Variants in CPEB3 observed in about 807,000 individuals in gnomAD.
CPEB3 encodes cytoplasmic polyadenylation element binding protein 3.
In CPEB3, 20 loss-of-function variants were observed where a neutral mutation model predicts 67.2. The ratio of observed to expected loss-of-function variants is 0.30; its 90% CI spans 0.21 to 0.43. CPEB3 has a LOEUF of 0.43. Among genes scored for constraint, CPEB3 ranks in the 20% least tolerant of loss-of-function variants. The probability of loss-of-function intolerance (pLI) is 1.00; values close to 1 mark genes in which losing one functional copy is unlikely to be tolerated. For missense variants in CPEB3, 746 were observed against 968.6 expected, an observed-to-expected ratio of 0.77 and a Z score of 3.05; for synonymous variants, 376 against 393.1, an observed-to-expected ratio of 0.96 and a Z score of 0.51.
At chr10:92,161,676 G>A (rs1007230983) in intron 4 of CPEB3, among the ~76,000 whole-genome samples, 1 of 151,112 alleles carries the variant, frequency 6.6e-6, no homozygotes, top group Non-Finnish European at 1.5e-5. Context: ...TATGTGCCGG[G>A]AACAGTTCAA....
chr10:92,099,856 C>T (rs1316541366), intron 7 of CPEB3, among the ~76,000 whole-genome samples: 1 of 141,534 alleles, frequency 7.1e-6, no homozygotes, highest in Non-Finnish European at 1.5e-5. Context: ...GAAACTCCGT[C>T]TCAAAAAAAA....
chr10:92,247,039 C>CT (rs35414862), intron 1 of CPEB3, among the ~76,000 whole-genome samples: 3 of 152,098 alleles, frequency 2.0e-5, no homozygotes, highest in Non-Finnish European at 4.4e-5. Flanking sequence ...CTAATCTCTG[C>CT]TTTTTTTCCC....
intron 1 of CPEB3, among the ~76,000 whole-genome samples, chr10:92,248,958 T>C (rs896047386): frequency 3.3e-5 from 5 of 152,210 alleles, no homozygotes; most frequent in African/African-American, 1.2e-4. Flanking sequence ...AAGATTATAA[T>C]GAAGCTGAAA....
rs745420772 is a variant in CPEB3 at position 92,048,984 on chromosome 10, C to G, written c.*3228G>C. 1 of 152,292 alleles carries G rather than the reference C, an allele frequency of 6.6e-6. No homozygotes were observed. The highest frequency in any genetic ancestry group is 1.5e-5 in the Non-Finnish European group (1 of 67,978). 9.4% of individuals were successfully genotyped at this position (152,292 alleles called of 1,614,324 possible). A position where few individuals can be genotyped will look rare whatever the true frequency, so the allele number is the denominator to read the frequency against. On this transcript the variant is annotated 3_prime_UTR_variant, in exon 10 of 10. Coordinates refer to ENST00000265997, the MANE Select transcript of CPEB3 (RefSeq NM_014912.5). This position sits in a 1 kb window ranked among gnomAD's most constrained non-coding sequence, Gnocchi z 4.1. ...GAGAAAGCACTCCTTAAAGAAAATA[C>G]GAAATAAAATGAAAAATATGTAAAT...
intron 4 of CPEB3, among the ~76,000 whole-genome samples, chr10:92,149,777 CA>C (rs1437488652): frequency 6.6e-6 from 1 of 152,122 alleles, no homozygotes; most frequent in Non-Finnish European, 1.5e-5. Flanking sequence ...TCTGAGAACC[CA>C]ACCCCCAGAT....
chr10:92,279,781 C>G (rs1432912801), intron 1 of CPEB3, among the ~76,000 whole-genome samples: 1 of 152,096 alleles, frequency 6.6e-6, no homozygotes, highest in East Asian at 1.9e-4. Flanking sequence ...ATGGGTGGAT[C>G]GCTCGATCTC....
At chr10:92,289,838 TAATACAAATA>T (rs1842756404) in intron 1 of CPEB3, among the ~76,000 whole-genome samples, 4 of 134,480 alleles carry the variant, frequency 3.0e-5, no homozygotes, top group African/African-American at 1.1e-4. Context: ...ATATTATATA[TAATACAAATA>T]TATATAAAAT....
At chr10:92,177,684 A>C (rs1271075496) in intron 4 of CPEB3, among the ~76,000 whole-genome samples, 1 of 152,190 alleles carries the variant, frequency 6.6e-6, no homozygotes, top group Non-Finnish European at 1.5e-5. Context: ...AGATTATGTC[A>C]GCAGTGGTGA....
chr10:92,078,655 GAA>G (rs1252061253), intron 9 of CPEB3, among the ~76,000 whole-genome samples: 2 of 152,150 alleles, frequency 1.3e-5, no homozygotes, highest in South Asian at 2.1e-4. Context: ...ATAGCAAGCA[GAA>G]AAGTCAATGG....
intron 6 of CPEB3, among the ~76,000 whole-genome samples, chr10:92,111,776 T>C (rs1199112261): frequency 2.0e-5 from 3 of 152,208 alleles, no homozygotes; most frequent in Admixed American, 1.3e-4. Context: ...TGAAAACCAC[T>C]GACATGCACA....
At chr10:92,241,250 G>C (rs969368468) in intron 1 of CPEB3, among the ~76,000 whole-genome samples, 1 of 143,934 alleles carries the variant, frequency 6.9e-6, no homozygotes, top group Non-Finnish European at 1.5e-5. Context: ...CTGCAGAGTG[G>C]AGAAATGCTT....
intron 6 of CPEB3, among the ~76,000 whole-genome samples, chr10:92,142,569 CACTT>C (rs1218199990): frequency 2.0e-5 from 3 of 152,180 alleles, no homozygotes; most frequent in Admixed American, 6.5e-5. Flanking sequence ...CAGGCTAAGT[CACTT>C]AATATACAGA....
intron 6 of CPEB3, among the ~76,000 whole-genome samples, chr10:92,119,951 G>A (rs2133594131): frequency 6.6e-6 from 1 of 151,598 alleles, no homozygotes; most frequent in African/African-American, 2.4e-5. Context: ...GTGGATCTTG[G>A]ATTTAAAAAA....
chr10:92,079,513 T>C (rs959503947), intron 9 of CPEB3, among the ~76,000 whole-genome samples: 6 of 152,246 alleles, frequency 3.9e-5, no homozygotes, highest in Non-Finnish European at 5.9e-5. Flanking sequence ...TATTACACTT[T>C]TGAATCTCCA....
At chr10:92,167,673 G>A (rs911178650) in intron 4 of CPEB3, among the ~76,000 whole-genome samples, 12 of 152,268 alleles carry the variant, frequency 7.9e-5, no homozygotes, top group African/African-American at 2.2e-4. Flanking sequence ...TTGGGAAGCC[G>A]AAGCAGGTGA....
intron 1 of CPEB3, among the ~76,000 whole-genome samples, chr10:92,278,817 T>A (rs943971485): frequency 6.4e-4 from 98 of 152,082 alleles, no homozygotes; most frequent in African/African-American, 2.2e-3. Context: ...GCCAGGATGG[T>A]CTCGATCTCC....
Position 92,199,837 on chromosome 10 carries a change from T to A in CPEB3, c.1006-7201A>T, listed in dbSNP as rs114365453. ...GTTTAAGAGCAATGAAAATGCCTTA[T>A]CTGTTTTTAAATAGATATTCATTAC... On this transcript the variant is annotated intron_variant, in intron 2 of 9. Transcript: ENST00000265997. Among the ~76,000 whole-genome samples, 859 of 152,258 alleles carry A rather than the reference T, an allele frequency of 5.6e-3. 9 individuals are homozygous for A. The highest frequency in any genetic ancestry group is 0.02 in the African/African-American group (819 of 41,548).
intron 9 of CPEB3, among the ~76,000 whole-genome samples, chr10:92,067,613 G>A (rs1047778709): frequency 4.6e-5 from 7 of 152,140 alleles, no homozygotes; most frequent in South Asian, 2.1e-4. Flanking sequence ...GAGGTCAGGA[G>A]TTCAAGACCA....
chr10:92,159,659 G>A (rs925746682), intron 4 of CPEB3, among the ~76,000 whole-genome samples: 13 of 151,902 alleles, frequency 8.6e-5, no homozygotes, highest in East Asian at 3.9e-4. Context: ...GTGACAGAGC[G>A]AGACTCCGTC....
Sources: gnomAD v4.1 joint callset for allele counts (sites outside exome capture counted in the v4.1 genomes callset) on GRCh38, gnomAD v4.1.1 for gene constraint, Gnocchi (gnomAD v3.1) non-coding constraint, MANE v1.5 for transcripts, NCBI Gene and HGNC (gene_info 2026-07-23, HGNC 2026-07-21) for gene names.